FSTL5: variants seen among roughly 807,000 people sequenced by gnomAD.
FSTL5 encodes the protein follistatin like 5.
A neutral mutation model predicts 89.1 loss-of-function variants in FSTL5; 62 were observed. The ratio of observed to expected loss-of-function variants is 0.70; its 90% CI spans 0.57 to 0.86. FSTL5 has a LOEUF of 0.86. Among genes scored for constraint, FSTL5 ranks in the 40% least tolerant of loss-of-function variants. FSTL5 has a pLI of 0.00. For synonymous variants in FSTL5, 383 were observed against 346.2 expected (o/e 1.11, Z -1.18); for missense variants, 1,057 against 1,001.6 (o/e 1.06, Z -0.75).
intron 15 of FSTL5, among the ~76,000 whole-genome samples, chr4:161,392,099 C>T (rs374306135): frequency 4.0e-4 from 61 of 152,156 alleles, no homozygotes; most frequent in African/African-American, 1.3e-3. Flanking sequence ...AAATCAAAAC[C>T]GAAATCCATA....
At chr4:161,486,570 A>G (rs1038276992) in intron 12 of FSTL5, among the ~76,000 whole-genome samples, 12 of 152,198 alleles carry the variant, frequency 7.9e-5, no homozygotes, top group African/African-American at 2.9e-4. Context: ...ATGCTTCTCT[A>G]CCAATCAGGT....
At chr4:162,139,015 GT>G (rs1369152594) in intron 1 of FSTL5, among the ~76,000 whole-genome samples, 2 of 152,044 alleles carry the variant, frequency 1.3e-5, no homozygotes, top group Non-Finnish European at 2.9e-5. Flanking sequence ...CTCAAACTGA[GT>G]TATAGAATTA....
chr4:161,394,157 C>T (rs1730922436), intron 15 of FSTL5, among the ~76,000 whole-genome samples: 1 of 152,096 alleles, frequency 6.6e-6, no homozygotes, highest in Non-Finnish European at 1.5e-5. Context: ...AAGTGGGGAA[C>T]ATAAATTGTT....
chr4:161,487,231 T>G (rs564927157), intron 12 of FSTL5, among the ~76,000 whole-genome samples: 1 of 152,308 alleles, frequency 6.6e-6, no homozygotes, highest in East Asian at 1.9e-4. Context: ...CGTGTTTAAA[T>G]ATCACTTATA....
chr4:161,545,011 GACTC>G (rs1223053369), intron 8 of FSTL5, among the ~76,000 whole-genome samples: 1 of 151,934 alleles, frequency 6.6e-6, no homozygotes, highest in African/African-American at 2.4e-5. Context: ...ATTATAGAAA[GACTC>G]AATTAAAAGT....
intron 6 of FSTL5, among the ~76,000 whole-genome samples, chr4:161,757,233 A>G (rs768603186): frequency 2.0e-5 from 3 of 152,142 alleles, no homozygotes; most frequent in Non-Finnish European, 4.4e-5. Flanking sequence ...TTTAATTTCC[A>G]CCACCTTCAT....
At position 161,883,371 on chromosome 4, in the gene FSTL5, T is replaced by C. The variant is rs1476391436; in HGVS notation, c.409+37033A>G. The stretch of plus-strand genomic sequence containing the variant: ...TGCCTAACTTATCAATGATGTATGT[T>C]GTTATAATAACGATGTATAAATTAT... On this transcript the variant is annotated intron_variant, in intron 4 of 15. Transcript: ENST00000306100. Among the ~76,000 whole-genome samples, 14 of 152,212 alleles carry C rather than the reference T, an allele frequency of 9.2e-5. No homozygotes were observed. The East Asian group carries it at 2.7e-3, about 29-fold the overall frequency.
At chr4:161,506,845 A>AT (rs1730498448) in intron 11 of FSTL5, among the ~76,000 whole-genome samples, 1 of 152,048 alleles carries the variant, frequency 6.6e-6, no homozygotes, top group East Asian at 1.9e-4. Context: ...TCTATTTGTA[A>AT]TTTTTTTGGT....
intron 3 of FSTL5, among the ~76,000 whole-genome samples, chr4:161,947,324 A>G (rs1269277755): frequency 1.8e-5 from 1 of 56,532 alleles, no homozygotes; most frequent in Non-Finnish European, 3.9e-5. Context: ...GCCTATTTCA[A>G]AATTGTGAAG....
chr4:161,581,015 AC>A (rs1405362649), intron 8 of FSTL5, among the ~76,000 whole-genome samples: 1 of 151,798 alleles, frequency 6.6e-6, no homozygotes, highest in Non-Finnish European at 1.5e-5. Flanking sequence ...GGCCAATACC[AC>A]CCCCCAAGCA....
chr4:161,671,109 T>C (rs956656195), intron 6 of FSTL5, among the ~76,000 whole-genome samples: 1 of 152,222 alleles, frequency 6.6e-6, no homozygotes, highest in African/African-American at 2.4e-5. Flanking sequence ...CATTTCTGTC[T>C]AGAGAGACTT....
intron 10 of FSTL5, among the ~76,000 whole-genome samples, chr4:161,526,559 C>G (rs1006091909): frequency 3.3e-5 from 5 of 152,118 alleles, no homozygotes; most frequent in Non-Finnish European, 7.4e-5. Context: ...AGGTTTTCTT[C>G]TAGGGTTTTT....
chr4:161,463,388 T>G (rs974999582), intron 13 of FSTL5, among the ~76,000 whole-genome samples: 1 of 152,094 alleles, frequency 6.6e-6, no homozygotes, highest in Non-Finnish European at 1.5e-5. Flanking sequence ...TTCAAGAAAA[T>G]TTATTTATAA....
chr4:161,626,082 G>A (rs991859342), intron 7 of FSTL5, among the ~76,000 whole-genome samples: 4 of 152,106 alleles, frequency 2.6e-5, no homozygotes, highest in Admixed American at 1.3e-4. Context: ...ATGGTGACAC[G>A]AATGCTGATG....
At chr4:162,157,095 A>G (rs928178932) in intron 1 of FSTL5, among the ~76,000 whole-genome samples, 2 of 152,136 alleles carry the variant, frequency 1.3e-5, no homozygotes, top group Non-Finnish European at 2.9e-5. Flanking sequence ...AAAGAATGTC[A>G]AAATAATTTT....
chr4:161,429,301 G>A (rs1397819474), intron 15 of FSTL5, among the ~76,000 whole-genome samples: 1 of 152,196 alleles, frequency 6.6e-6, no homozygotes, highest in East Asian at 1.9e-4. Context: ...CTGCCCTGAA[G>A]GGAAGGATAT....
intron 2 of FSTL5, among the ~76,000 whole-genome samples, chr4:162,071,183 T>C (rs1729605630): frequency 6.6e-6 from 1 of 151,596 alleles, no homozygotes; most frequent in Non-Finnish European, 1.5e-5. Context: ...TTAAAAAATA[T>C]AGACTGGCTG....
At chr4:161,850,412 A>G (rs1731511232) in intron 4 of FSTL5, among the ~76,000 whole-genome samples, 1 of 152,214 alleles carries the variant, frequency 6.6e-6, no homozygotes, top group Admixed American at 6.5e-5. Context: ...TCAGCATGAT[A>G]AGACAAGGTA....
chr4:161,989,877 G>T (rs78108013), intron 3 of FSTL5, among the ~76,000 whole-genome samples: 8,370 of 152,198 alleles, frequency 0.055, 266 homozygotes, highest in Non-Finnish European at 0.077. Context: ...ATACATGTGT[G>T]TGCATGTGTA....
Sources: allele counts gnomAD v4.1 joint callset (sites outside exome capture counted in the v4.1 genomes callset), GRCh38; gene constraint gnomAD v4.1.1; transcripts MANE v1.5; gene names NCBI Gene and HGNC (gene_info 2026-07-23, HGNC 2026-07-21).